Variants in USP25 observed in about 807,000 individuals in gnomAD.
USP25 encodes ubiquitin carboxyl-terminal hydrolase 25.
USP25 carries 85 observed loss-of-function variants against 158.5 expected under a neutral mutation model. The observed-to-expected ratio is 0.54, with a 90% CI of 0.45 to 0.64. The LOEUF (loss-of-function observed/expected upper bound fraction) is 0.64, where lower values mean the gene tolerates loss of function less well. Among genes scored for constraint, USP25 ranks in the 30% least tolerant of loss-of-function variants. The pLI is 0.00. For missense variants in USP25, 1,242 were observed against 1,327.3 expected, an observed-to-expected ratio of 0.94 and a Z score of 1.00; for synonymous variants, 464 against 460.4, an observed-to-expected ratio of 1.01 and a Z score of -0.10.
At chr21:15,772,595 T>C (rs2034419835) in intron 3 of USP25, among the ~76,000 whole-genome samples, 1 of 152,214 alleles carries the variant, frequency 6.6e-6, no homozygotes, top group African/African-American at 2.4e-5. Flanking sequence ...AACTGACTTT[T>C]ACCAGTTAGA....
At chr21:15,762,252 T>G (rs1293214880) in intron 1 of USP25, among the ~76,000 whole-genome samples, 1 of 152,092 alleles carries the variant, frequency 6.6e-6, no homozygotes. Flanking sequence ...TACAGAGATG[T>G]AAGGAGGAAG....
At chr21:15,853,474 ATTAGT>A (rs773888896) in intron 20 of USP25, among the ~76,000 whole-genome samples, 13 of 152,274 alleles carry the variant, frequency 8.5e-5, no homozygotes, top group Middle Eastern at 3.4e-3. Flanking sequence ...TTCTATTTGA[ATTAGT>A]TTAGAGTACT....
intron 24 of USP25, chr21:15,876,354 G>C (rs1197745790): frequency 2.6e-5 from 4 of 152,116 alleles, no homozygotes; most frequent in African/African-American, 9.7e-5. Flanking sequence ...GAAGCTAACA[G>C]ATTTAGCTAA....
chr21:15,824,512 G>T (rs1170192129), intron 11 of USP25, among the ~76,000 whole-genome samples: 1 of 142,282 alleles, frequency 7.0e-6, no homozygotes, highest in African/African-American at 3.1e-5. Flanking sequence ...CTATCTTTCT[G>T]TCTTTCTTTC....
intron 4 of USP25, 88 bp from the exon 5 acceptor site, chr21:15,791,414 T>C: frequency 7.7e-7 from 1 of 1,305,900 alleles, no homozygotes; most frequent in South Asian, 2.1e-5. Context: ...ATTGAAATCT[T>C]ATGTAATGAA....
At chr21:15,872,246 A>G (rs1221893743) in intron 23 of USP25, among the ~76,000 whole-genome samples, 1 of 152,128 alleles carries the variant, frequency 6.6e-6, no homozygotes, top group Non-Finnish European at 1.5e-5. Flanking sequence ...AGGCTACATG[A>G]TCTTATTTTA....
At chr21:15,818,489 A>G (rs1191276185) in intron 9 of USP25, among the ~76,000 whole-genome samples, 1 of 152,090 alleles carries the variant, frequency 6.6e-6, no homozygotes, top group Non-Finnish European at 1.5e-5. Context: ...ATATAATTAC[A>G]TATATGTGGA....
intron 17 of USP25, among the ~76,000 whole-genome samples, chr21:15,838,599 T>C (rs2038175621): frequency 6.6e-6 from 1 of 152,152 alleles, no homozygotes; most frequent in South Asian, 2.1e-4. Context: ...AGCGTGGCTC[T>C]TTGTAGGCTC....
rs563960204 is a variant in USP25 at position 15,859,397 on chromosome 21, G to A, written c.2548-4871G>A. On this transcript the variant is annotated intron_variant, in intron 20 of 25. Coordinates refer to ENST00000400183, the MANE Select transcript of USP25 (RefSeq NM_001283041.3). ...TTTTTAGTAGAAATGGGGTTTCACC[G>A]TGTTAGCCAGGGTGGTCTCAATCTT... Among the ~76,000 whole-genome samples the A allele has an allele frequency of 1.4e-3, 206 of 151,994 alleles. 1 individual carries two copies. Among genetic ancestry groups the A allele is most frequent in the Non-Finnish European group, 2.4e-3 (162 of 67,962 alleles).
At chr21:15,863,559 A>G (rs1026345051) in intron 20 of USP25, among the ~76,000 whole-genome samples, 3 of 152,178 alleles carry the variant, frequency 2.0e-5, no homozygotes, top group African/African-American at 7.2e-5. Context: ...TTAGTGTTCA[A>G]ACTGATGCTT....
At chr21:15,849,645 T>A in intron 19 of USP25, 132 bp from the exon 20 acceptor site, 1 of 650,434 alleles carries the variant, frequency 1.5e-6, no homozygotes, top group South Asian at 2.4e-5. Context: ...ACATGCATAT[T>A]GGATTAAATT....
intron 17 of USP25, among the ~76,000 whole-genome samples, chr21:15,841,241 T>C (rs1227325467): frequency 6.6e-6 from 1 of 152,214 alleles, no homozygotes; most frequent in Non-Finnish European, 1.5e-5. Flanking sequence ...GTCTTGATTC[T>C]AGCCAATTTT....
At chr21:15,870,686 A>G (rs2039849082) in intron 23 of USP25, among the ~76,000 whole-genome samples, 1 of 152,214 alleles carries the variant, frequency 6.6e-6, no homozygotes, top group Non-Finnish European at 1.5e-5. Context: ...ATTTCTCCAC[A>G]TATTTCTTAA....
At chr21:15,745,473 CTT>C (rs11284817) in intron 1 of USP25, among the ~76,000 whole-genome samples, 1,498 of 112,966 alleles carry the variant, frequency 0.013, 8 homozygotes, top group African/African-American at 0.049. Context: ...TTTTTCTTTT[CTT>C]TTTTTTTTTT....
Position 15,799,809 on chromosome 21 carries a change from C to T in USP25, c.608C>T (p.Pro203Leu), listed in dbSNP as rs772733799. 1 of 1,604,276 alleles carries T rather than the reference C, an allele frequency of 6.2e-7. No homozygotes were observed. The highest frequency in any genetic ancestry group is 8.5e-7 in the Non-Finnish European group (1 of 1,174,382). ...FRRLVLNYKP[P>L]SNAQDLPRNQ... ...AGATTAGTTCTGAATTACAAGCCTCCATCAAATGCTCAAGATTTACCCCGA... is the reference window on the plus strand; with the variant it reads ...AGATTAGTTCTGAATTACAAGCCTCTATCAAATGCTCAAGATTTACCCCGA... The change falls in exon 6 of 26, where the codon CCA becomes CTA. Residue 203 changes from proline (P) to leucine (L), a missense_variant. Around this residue, in one of 3 missense-constraint regions of USP25, gnomAD observed 627 missense variants for 701.4 expected, o/e 0.89. Coordinates refer to ENST00000400183, the MANE Select transcript of USP25 (RefSeq NM_001283041.3).
chr21:15,803,735 AC>A (rs1490083469), intron 6 of USP25, among the ~76,000 whole-genome samples: 1 of 151,968 alleles, frequency 6.6e-6, no homozygotes, highest in Non-Finnish European at 1.5e-5. Context: ...AATTAAGGGT[AC>A]TTTTGAAAGT....
chr21:15,830,491 C>T, intron 14 of USP25, 40 bp from the exon 15 acceptor site: 3 of 1,528,568 alleles, frequency 2.0e-6, no homozygotes, highest in Non-Finnish European at 2.7e-6. Context: ...AGTAGAAACA[C>T]ATTTGCTGTT....
intron 19 of USP25, among the ~76,000 whole-genome samples, chr21:15,849,240 G>A (rs147765327): frequency 2.6e-5 from 4 of 152,178 alleles, no homozygotes; most frequent in African/African-American, 7.2e-5. Context: ...GTGTTTTGTC[G>A]TTTTTTAAAA....
chr21:15,764,355 G>A (rs964429947), intron 2 of USP25, among the ~76,000 whole-genome samples: 3 of 148,790 alleles, frequency 2.0e-5, no homozygotes, highest in Admixed American at 1.4e-4. Flanking sequence ...TATGTAGCTC[G>A]AATGAAGTCT....
Sources: allele counts gnomAD v4.1 joint callset (sites outside exome capture counted in the v4.1 genomes callset), GRCh38; gene constraint gnomAD v4.1.1; regional missense constraint gnomAD v4.1.1; transcripts MANE v1.5; gene names NCBI Gene and HGNC (gene_info 2026-07-23, HGNC 2026-07-21).